COX7B2: variants seen among roughly 807,000 people sequenced by gnomAD.
The protein encoded by COX7B2 is cytochrome c oxidase subunit 7B2, mitochondrial.
For missense variants in COX7B2, 109 were observed against 95.9 expected (o/e 1.14, Z -0.57); for synonymous variants, 37 against 32.1 (o/e 1.15, Z -0.51).
intron 2 of COX7B2, among the ~76,000 whole-genome samples, chr4:46,834,449 G>A (rs557003698): frequency 4.6e-5 from 7 of 152,118 alleles, no homozygotes; most frequent in African/African-American, 9.6e-5. Flanking sequence ...AAAACTCTGC[G>A]AATAAACCCT....
intron 2 of COX7B2, among the ~76,000 whole-genome samples, chr4:46,792,928 C>T (rs939055029): frequency 6.6e-6 from 1 of 152,104 alleles, no homozygotes; most frequent in Admixed American, 6.5e-5. Flanking sequence ...TAGAGATACA[C>T]AAAATATCTG....
intron 2 of COX7B2, among the ~76,000 whole-genome samples, chr4:46,840,583 A>G (rs1414363148): frequency 6.6e-6 from 1 of 152,024 alleles, no homozygotes. Flanking sequence ...CATTTGATCT[A>G]TCAGCTTTAA....
chr4:46,901,649 C>T (rs146225846), intron 1 of COX7B2, among the ~76,000 whole-genome samples: 1 of 152,180 alleles, frequency 6.6e-6, no homozygotes, highest in African/African-American at 2.4e-5. Flanking sequence ...AATCAGTAAA[C>T]TGAGTAAAGC....
intron 2 of COX7B2, among the ~76,000 whole-genome samples, chr4:46,790,299 T>G (rs1045590220): frequency 6.6e-6 from 1 of 152,160 alleles, no homozygotes; most frequent in African/African-American, 2.4e-5. Flanking sequence ...GCTAAATGTA[T>G]TTGGTTTCAT....
intron 2 of COX7B2, among the ~76,000 whole-genome samples, chr4:46,745,465 T>C (rs1714965789): frequency 6.6e-6 from 1 of 152,204 alleles, no homozygotes; most frequent in African/African-American, 2.4e-5. Context: ...TTTTTCACTT[T>C]CATAACATTT....
At chr4:46,751,092 C>G (rs773509096) in intron 2 of COX7B2, among the ~76,000 whole-genome samples, 1 of 152,074 alleles carries the variant, frequency 6.6e-6, no homozygotes, top group African/African-American at 2.4e-5. Flanking sequence ...ATCCCAGTGA[C>G]CTTCTTTCAG....
chr4:46,858,931 G>A (rs1717175301), intron 1 of COX7B2, among the ~76,000 whole-genome samples: 1 of 152,108 alleles, frequency 6.6e-6, no homozygotes, highest in Non-Finnish European at 1.5e-5. Context: ...TGAGATTAAT[G>A]CTTCTTATTG....
chr4:46,854,273 G>A (rs1577660007), intron 1 of COX7B2, among the ~76,000 whole-genome samples: 1 of 152,104 alleles, frequency 6.6e-6, no homozygotes, highest in East Asian at 1.9e-4. Flanking sequence ...ACATGCAATA[G>A]AATAAGTATT....
chr4:46,800,305 A>G (rs1718586197), intron 2 of COX7B2, among the ~76,000 whole-genome samples: 1 of 152,216 alleles, frequency 6.6e-6, no homozygotes. Flanking sequence ...GAGTCAGAAC[A>G]GCCAAAGCAA....
chr4:46,794,715 A>T (rs1718230031), intron 2 of COX7B2, among the ~76,000 whole-genome samples: 1 of 152,188 alleles, frequency 6.6e-6, no homozygotes, highest in Non-Finnish European at 1.5e-5. Context: ...CATGATTACT[A>T]TGATGGAGAG....
At chr4:46,866,946 TATCCAGTCGA>T (rs1290487071) in intron 1 of COX7B2, among the ~76,000 whole-genome samples, 1 of 152,192 alleles carries the variant, frequency 6.6e-6, no homozygotes, top group African/African-American at 2.4e-5. Flanking sequence ...ACTCCACCTA[TATCCAGTCGA>T]CTATCAAAAG....
At chr4:46,839,471 C>T (rs1255860235) in intron 2 of COX7B2, among the ~76,000 whole-genome samples, 1 of 151,924 alleles carries the variant, frequency 6.6e-6, no homozygotes, top group African/African-American at 2.4e-5. Context: ...CTAGATTGAG[C>T]TCATTTTCAT....
At chr4:46,856,444 T>C (rs1266067455) in intron 1 of COX7B2, among the ~76,000 whole-genome samples, 1 of 152,136 alleles carries the variant, frequency 6.6e-6, no homozygotes, top group Non-Finnish European at 1.5e-5. Flanking sequence ...TAACTTTCAC[T>C]ATTCAGATTA....
rs180977289 is a variant in COX7B2, at chr4:46,753,128, T to C, written c.-49-17887A>G. 5.3e-5 allele frequency among the ~76,000 whole-genome samples: 8 copies of C among 152,290 alleles called. 1 individual carries two copies. The East Asian group carries it at 1.5e-3, about 29-fold the overall frequency. On this transcript the variant is annotated intron_variant, in intron 2 of 2. Coordinates refer to ENST00000355591, the MANE Select transcript of COX7B2 (RefSeq NM_130902.3). ...TCGGTCTATTCAGAGATTCAACTTCTTCCTGGTTTAGTCTGGGGAGGATGT... is the reference window on the plus strand; with the variant it reads ...TCGGTCTATTCAGAGATTCAACTTCCTCCTGGTTTAGTCTGGGGAGGATGT...
chr4:46,905,694 GTT>G (rs1371751498), intron 1 of COX7B2, among the ~76,000 whole-genome samples: 1 of 149,654 alleles, frequency 6.7e-6, no homozygotes, highest in Non-Finnish European at 1.5e-5. Context: ...TCTACAATAT[GTT>G]TTTAAAACTT....
intron 1 of COX7B2, among the ~76,000 whole-genome samples, chr4:46,893,745 T>C (rs140380452): frequency 4.7e-4 from 72 of 152,272 alleles, no homozygotes; most frequent in African/African-American, 1.7e-3. Flanking sequence ...CTTTCTTCTT[T>C]AAAAAAGTCA....
chr4:46,871,991 A>G lies in COX7B2; in HGVS notation c.-104-26977T>C, dbSNP rs114520913. 7.8e-3 allele frequency among the ~76,000 whole-genome samples: 1,184 copies of G among 152,326 alleles called. 17 individuals carry two copies. Among genetic ancestry groups the G allele is most frequent in the African/African-American group, 0.027 (1,139 of 41,566 alleles). On this transcript the variant is annotated intron_variant, in intron 1 of 2. Coordinates refer to ENST00000355591, the MANE Select transcript of COX7B2 (RefSeq NM_130902.3). ...ATTGGGTATATACCTAGAGGACTAT[A>G]AAACAGTCTACCATAAAGACACATG...
At chr4:46,908,193 A>G (rs1014813287) in intron 1 of COX7B2, among the ~76,000 whole-genome samples, 1 of 152,074 alleles carries the variant, frequency 6.6e-6, no homozygotes, top group African/African-American at 2.4e-5. Flanking sequence ...TAGGCCTGGC[A>G]CTAAACATTT....
chr4:46,744,769 GTCTC>G (rs1366078387), intron 2 of COX7B2, among the ~76,000 whole-genome samples: 1 of 138,610 alleles, frequency 7.2e-6, no homozygotes, highest in African/African-American at 2.6e-5. Context: ...GGGAGACGGA[GTCTC>G]TCTCTGTCAC....
Sources: allele counts gnomAD v4.1 joint callset (sites outside exome capture counted in the v4.1 genomes callset), GRCh38; gene constraint gnomAD v4.1.1; transcripts MANE v1.5; gene names NCBI Gene and HGNC (gene_info 2026-07-23, HGNC 2026-07-21).